MICU1: variants seen among roughly 807,000 people sequenced by gnomAD.
MICU1 encodes the protein calcium uptake protein 1, mitochondrial.
A neutral mutation model predicts 56.8 loss-of-function variants in MICU1; 45 were observed. The observed-to-expected ratio is 0.79, with a 90% CI of 0.62 to 1.02. The LOEUF is 1.02. Ranked by LOEUF, MICU1 falls within the 50% of genes least tolerant of loss-of-function variation. MICU1 has a pLI of 0.00. For synonymous variants in MICU1, 186 were observed against 195.1 expected, an observed-to-expected ratio of 0.95 and a Z score of 0.39; for missense variants, 504 against 587.1, an observed-to-expected ratio of 0.86 and a Z score of 1.46.
At chr10:72,565,627 C>T (rs1840411381) in intron 2 of MICU1, among the ~76,000 whole-genome samples, 1 of 125,062 alleles carries the variant, frequency 8.0e-6, no homozygotes, top group Non-Finnish European at 1.8e-5. Flanking sequence ...TACCCTAAAA[C>T]TTAAAGTATA....
rs7069357 is a variant in MICU1, at chr10:72,423,493, G to A, written c.934-122C>T. On this transcript the variant is annotated intron_variant, in intron 8 of 11. Transcript: ENST00000361114. ...TGATGACTGGGACTATATTTTTGAG[G>A]TACAATTCTCAGTAAGATCTGCAAA... 0.63 allele frequency: 743,577 copies of A among 1,189,492 alleles called. 242,961 individuals are homozygous for A. The highest frequency in any genetic ancestry group is 0.68 in the Non-Finnish European group (593,402 of 872,154). The allele number at this position is 1,189,492 out of a possible 1,614,324, so 73.7% of individuals were successfully genotyped here. A position where few individuals can be genotyped will look rare whatever the true frequency, so the allele number is the denominator to read the frequency against.
At chr10:72,596,152 A>G (rs1394419776) in intron 1 of MICU1, among the ~76,000 whole-genome samples, 1 of 151,882 alleles carries the variant, frequency 6.6e-6, no homozygotes, top group African/African-American at 2.4e-5. Context: ...CGCCCAGCTA[A>G]TTTTTGTATT....
In MICU1 at chr10:72,527,795, A is replaced by T. The variant is rs187546697; in HGVS notation, c.537+5951T>A. ...TATTGACGATAATTCCCACAAGACA[A>T]ATATAGTCAAGCATTTTTCATTTAG... On this transcript the variant is annotated intron_variant, in intron 5 of 11. Coordinates refer to ENST00000361114, the MANE Select transcript of MICU1 (RefSeq NM_001195518.2). Among the ~76,000 whole-genome samples the T allele has an allele frequency of 2.6e-5, 4 of 152,256 alleles. No individual in the cohort carries two copies. The East Asian group carries it at 7.7e-4, about 29-fold the overall frequency.
chr10:72,509,410 G>C (rs1758137001), intron 5 of MICU1: 3 of 1,331,778 alleles, frequency 2.3e-6, no homozygotes, highest in Non-Finnish European at 2.0e-6. Context: ...CTGTCTAGTG[G>C]AGATCCCATC....
At chr10:72,469,681 C>A (rs933992106) in intron 8 of MICU1, among the ~76,000 whole-genome samples, 2 of 152,190 alleles carry the variant, frequency 1.3e-5, no homozygotes, top group East Asian at 3.8e-4. Context: ...AGGCACAGTG[C>A]ATGCCCAGTG....
intron 1 of MICU1, among the ~76,000 whole-genome samples, chr10:72,585,082 GT>G (rs1277125614): frequency 5.1e-4 from 72 of 141,056 alleles, no homozygotes; most frequent in Non-Finnish European, 5.9e-4. Flanking sequence ...TTGGTTTTAG[GT>G]TTTTTTTTTT....
chr10:72,428,175 G>A, intron 8 of MICU1, among the ~76,000 whole-genome samples: 1 of 152,156 alleles, frequency 6.6e-6, no homozygotes, highest in East Asian at 1.9e-4. Context: ...GAGGAAGAAG[G>A]TTCACAATCT....
At chr10:72,588,311 A>G (rs771885196) in intron 1 of MICU1, among the ~76,000 whole-genome samples, 2 of 139,174 alleles carry the variant, frequency 1.4e-5, no homozygotes, top group Non-Finnish European at 3.3e-5. Context: ...TTCTTCATAA[A>G]TTACCCAGTC....
chr10:72,434,841 C>T (rs1864655922), intron 8 of MICU1, among the ~76,000 whole-genome samples: 1 of 152,140 alleles, frequency 6.6e-6, no homozygotes, highest in South Asian at 2.1e-4. Context: ...CCTAGCATTG[C>T]TGACAGCTTA....
chr10:72,610,697 G>A (rs756665147), intron 1 of MICU1, among the ~76,000 whole-genome samples: 65 of 152,136 alleles, frequency 4.3e-4, no homozygotes, highest in Non-Finnish European at 8.4e-4. Context: ...TAAACACACA[G>A]ACATCACTGT....
chr10:72,615,194 C>T (rs529096396), intron 1 of MICU1, among the ~76,000 whole-genome samples: 10 of 152,152 alleles, frequency 6.6e-5, no homozygotes, highest in South Asian at 2.1e-4. Context: ...CTTGGCTCAC[C>T]GCAACCTCTG....
intron 9 of MICU1, among the ~76,000 whole-genome samples, chr10:72,412,498 C>A (rs1357948546): frequency 6.6e-6 from 1 of 152,152 alleles, no homozygotes; most frequent in Non-Finnish European, 1.5e-5. Context: ...CTTTAGGATG[C>A]TGAAAAATGA....
chr10:72,601,446 A>G (rs1419997639), intron 1 of MICU1, among the ~76,000 whole-genome samples: 1 of 151,034 alleles, frequency 6.6e-6, no homozygotes, highest in Non-Finnish European at 1.5e-5. Flanking sequence ...AAAAAAAAAA[A>G]AAGGAAAGAA....
At chr10:72,625,508 C>T (rs930212681) in intron 1 of MICU1, among the ~76,000 whole-genome samples, 1 of 152,216 alleles carries the variant, frequency 6.6e-6, no homozygotes, top group Non-Finnish European at 1.5e-5. Flanking sequence ...AAGATAAAAA[C>T]TGAACAGTCC....
chr10:72,531,306 T>C (rs73280984), intron 5 of MICU1, among the ~76,000 whole-genome samples: 3,833 of 152,310 alleles, frequency 0.025, 171 homozygotes, highest in African/African-American at 0.088. Context: ...TGCATAAAAT[T>C]ACTATAATAT....
At chr10:72,379,284 T>A (rs367644262) in intron 10 of MICU1, among the ~76,000 whole-genome samples, 158 of 152,300 alleles carry the variant, frequency 1.0e-3, no homozygotes, top group South Asian at 9.5e-3. Context: ...CTCAAAAGAT[T>A]ACTCAGTGAA....
At chr10:72,530,306 C>A (rs1839440420) in intron 5 of MICU1, among the ~76,000 whole-genome samples, 1 of 140,450 alleles carries the variant, frequency 7.1e-6, no homozygotes, top group Non-Finnish European at 1.6e-5. Flanking sequence ...GCACTCCAGC[C>A]TGGGTGACAG....
chr10:72,458,709 T>TG, intron 8 of MICU1, among the ~76,000 whole-genome samples: 1 of 148,762 alleles, frequency 6.7e-6, no homozygotes, highest in East Asian at 2.0e-4. Context: ...TTCCTGTTTT[T>TG]TTTTTTTTTT....
intron 1 of MICU1, among the ~76,000 whole-genome samples, chr10:72,618,159 T>A (rs1842025337): frequency 6.7e-6 from 1 of 148,794 alleles, no homozygotes; most frequent in African/African-American, 2.5e-5. Context: ...AGAGCCAGAC[T>A]CTGTCTCAAA....
Sources: allele counts gnomAD v4.1 joint callset (sites outside exome capture counted in the v4.1 genomes callset), GRCh38; gene constraint gnomAD v4.1.1; transcripts MANE v1.5; gene names NCBI Gene and HGNC (gene_info 2026-07-23, HGNC 2026-07-21).